The following AKAP6 variants were observed in gnomAD, a reference collection of about 807,000 sequenced individuals.
The protein encoded by AKAP6 is A-kinase anchor protein 6.
Under a neutral mutation model 188.5 loss-of-function variants are expected in AKAP6, and 58 were observed. That is an observed-to-expected ratio of 0.31 (90% CI 0.25 to 0.38). The LOEUF (loss-of-function observed/expected upper bound fraction) is 0.38, where lower values mean the gene tolerates loss of function less well. AKAP6 is among the 10% of genes least tolerant of loss of function. AKAP6 has a pLI of 1.00. For synonymous variants in AKAP6, 989 were observed against 998.6 expected (o/e 0.99, Z 0.18); for missense variants, 2,710 against 2,740.0 (o/e 0.99, Z 0.24).
chr14:32,732,627 A>T, intron 10 of AKAP6, 27 bp downstream of exon 10: 1 of 1,610,974 alleles, frequency 6.2e-7, no homozygotes. Context: ...TACTGTTTGT[A>T]GGTTATGTGT....
In AKAP6 at chr14:32,485,079, G is replaced by A. The variant is rs1411365983; in HGVS notation, c.325-50475G>A. ...AGCTTAATTAAAGTGGCTGATTTGC[G>A]TTCAGTTGATGCAGAGTGGGGTTTT... On this transcript the variant is annotated intron_variant, in intron 2 of 13. Coordinates refer to ENST00000280979, the MANE Select transcript of AKAP6 (RefSeq NM_004274.5). 1.5e-4 allele frequency among the ~76,000 whole-genome samples: 11 copies of A among 75,288 alleles called. 4 individuals are homozygous for A. Among genetic ancestry groups the A allele is most frequent in the Non-Finnish European group, 2.4e-4 (11 of 45,682 alleles). 49.4% of individuals were successfully genotyped at this position (75,288 alleles called of 152,430 possible). A position where few individuals can be genotyped will look rare whatever the true frequency, so the allele number is the denominator to read the frequency against.
intron 1 of AKAP6, among the ~76,000 whole-genome samples, chr14:32,410,012 A>G (rs1294267601): frequency 1.3e-5 from 2 of 152,166 alleles, no homozygotes; most frequent in South Asian, 4.1e-4. Context: ...TGACTCTGGC[A>G]TAACATCACA....
At chr14:32,558,554 C>A (rs529730636) in intron 4 of AKAP6, among the ~76,000 whole-genome samples, 2 of 152,196 alleles carry the variant, frequency 1.3e-5, no homozygotes, top group Admixed American at 1.3e-4. Flanking sequence ...GTGCATATGC[C>A]AGGGTGGAGG....
intron 2 of AKAP6, among the ~76,000 whole-genome samples, chr14:32,492,628 C>T (rs891741858): frequency 3.3e-5 from 5 of 151,608 alleles, no homozygotes; most frequent in Admixed American, 2.0e-4. Flanking sequence ...AAAATAGATC[C>T]CTGTGAAGTA....
intron 1 of AKAP6, among the ~76,000 whole-genome samples, chr14:32,432,319 A>G (rs957010440): frequency 6.6e-6 from 1 of 152,234 alleles, no homozygotes; most frequent in Non-Finnish European, 1.5e-5. Context: ...TTGATATTTT[A>G]TACTAGACTC....
chr14:32,371,940 C>G (rs1352420295), intron 1 of AKAP6, among the ~76,000 whole-genome samples: 1 of 152,124 alleles, frequency 6.6e-6, no homozygotes, highest in Non-Finnish European at 1.5e-5. Context: ...CTTTCTCTCT[C>G]TACTTCTCTT....
chr14:32,763,326 A>G (rs1170194365), intron 11 of AKAP6, among the ~76,000 whole-genome samples: 1 of 152,142 alleles, frequency 6.6e-6, no homozygotes, highest in Non-Finnish European at 1.5e-5. Context: ...CAGCCAAGAT[A>G]TTATATCAAT....
chr14:32,383,851 A>G (rs1888446189), intron 1 of AKAP6, among the ~76,000 whole-genome samples: 1 of 152,200 alleles, frequency 6.6e-6, no homozygotes, highest in African/African-American at 2.4e-5. Context: ...GGAAAACAGC[A>G]TTACTGAGAG....
intron 7 of AKAP6, among the ~76,000 whole-genome samples, chr14:32,619,087 G>T (rs1306548908): frequency 6.6e-6 from 1 of 150,966 alleles, no homozygotes; most frequent in East Asian, 1.9e-4. Flanking sequence ...TTAGTCCTTT[G>T]TCAGATGCAT....
At chr14:32,795,040 T>C (rs1014608562) in intron 12 of AKAP6, among the ~76,000 whole-genome samples, 1 of 151,990 alleles carries the variant, frequency 6.6e-6, no homozygotes, top group Non-Finnish European at 1.5e-5. Flanking sequence ...CTAGAAGAAA[T>C]GGATAAATTC....
At position 32,700,882 on chromosome 14, in the gene AKAP6, C is replaced by T. The variant is rs79098458; in HGVS notation, c.3000+4772C>T. Among the ~76,000 whole-genome samples, 526 of 152,168 alleles carry T rather than the reference C, an allele frequency of 3.5e-3. 2 individuals are homozygous for T. The highest frequency in any genetic ancestry group is 0.012 in the African/African-American group (500 of 41,518). On this transcript the variant is annotated intron_variant, in intron 9 of 13. Transcript: ENST00000280979. ...GATATACATTTCTCAGAACATACCC[C>T]GTTGTTAAGCAACATGATTTGTACA...
Position 32,343,741 on chromosome 14 carries a change from C to T in AKAP6, c.-35+14333C>T, listed in dbSNP as rs373620130. Among the ~76,000 whole-genome samples, 733 of 103,816 alleles carry T rather than the reference C, an allele frequency of 7.1e-3. 8 individuals carry two copies. Among genetic ancestry groups the T allele is most frequent in the African/African-American group, 0.029 (701 of 23,950 alleles). The allele number at this position is 103,816 out of a possible 152,430, so 68.1% of individuals were successfully genotyped here. A position where few individuals can be genotyped will look rare whatever the true frequency, so the allele number is the denominator to read the frequency against. The stretch of plus-strand genomic sequence containing the variant: ...CAGCCTGAGCAACAGAGCAAGATTC[C>T]GTCTCAAAAAAAAAAAAAAAAAAAA... On this transcript the variant is annotated intron_variant, in intron 1 of 13. Transcript: ENST00000280979.
rs546829875 is a variant in AKAP6, at chr14:32,824,616, A to G, written c.6803A>G (p.His2268Arg). 15 of 1,613,958 alleles carry G rather than the reference A, an allele frequency of 9.3e-6. No individual in the cohort carries two copies. Among genetic ancestry groups the G allele is most frequent in the Middle Eastern group, 1.6e-4 (1 of 6,062 alleles). The change falls in exon 13 of 14, where the codon CAT becomes CGT. Residue 2268 changes from histidine (H) to arginine (R), a missense_variant. His to Arg is a conservative substitution (Grantham distance 29, BLOSUM62 0). Coordinates refer to ENST00000280979, the MANE Select transcript of AKAP6 (RefSeq NM_004274.5). ...GGTGAATCTGGAATGCCAGAAGAAC[A>G]TAATGCTGCTTCAGCCAAATCTAAA... ...KPGESGMPEE[H>R]NAASAKSKVQ...
At chr14:32,728,405 A>G (rs1247126955) in intron 9 of AKAP6, among the ~76,000 whole-genome samples, 1 of 151,296 alleles carries the variant, frequency 6.6e-6, no homozygotes, top group Non-Finnish European at 1.5e-5. Context: ...AATCGTATCT[A>G]TCAGTCAATC....
At chr14:32,577,587 C>A (rs1479793798) in intron 5 of AKAP6, among the ~76,000 whole-genome samples, 1 of 152,078 alleles carries the variant, frequency 6.6e-6, no homozygotes, top group Non-Finnish European at 1.5e-5. Context: ...TTTTGATGAC[C>A]ATTCTAAGCT....
intron 2 of AKAP6, among the ~76,000 whole-genome samples, chr14:32,454,270 G>T (rs1465608821): frequency 6.6e-6 from 1 of 152,176 alleles, no homozygotes; most frequent in East Asian, 1.9e-4. Context: ...ATAACTAAGA[G>T]AAATTGAGAT....
chr14:32,740,327 G>A (rs934228969), intron 11 of AKAP6, among the ~76,000 whole-genome samples: 1 of 152,012 alleles, frequency 6.6e-6, no homozygotes, highest in African/African-American at 2.4e-5. Context: ...TCTGTGGGTT[G>A]TGTCTTCATC....
intron 11 of AKAP6, among the ~76,000 whole-genome samples, chr14:32,770,460 T>C (rs1435819333): frequency 1.3e-5 from 2 of 152,230 alleles, no homozygotes; most frequent in Non-Finnish European, 2.9e-5. Context: ...GGAACCAACA[T>C]GATCTCATTA....
rs578068064 is a variant in AKAP6, at chr14:32,536,257, C to G, written c.576+452C>G. Among the ~76,000 whole-genome samples the G allele has an allele frequency of 3.9e-5, 6 of 152,300 alleles. 1 individual carries two copies. The highest frequency in any genetic ancestry group is 1.4e-4 in the African/African-American group (6 of 41,572). ...TGCCATTGGAGGACAGAGAAAGAGT[C>G]ACCTAATTCAGATGGGAGGCTTTCC... On this transcript the variant is annotated intron_variant, in intron 3 of 13. Transcript: ENST00000280979.
Sources: gnomAD v4.1 joint callset for allele counts (sites outside exome capture counted in the v4.1 genomes callset) on GRCh38, gnomAD v4.1.1 for gene constraint, MANE v1.5 for transcripts, NCBI Gene and HGNC (gene_info 2026-07-23, HGNC 2026-07-21) for gene names.